The following TSC2 variants were observed in gnomAD, a reference collection of about 807,000 sequenced individuals.
The protein encoded by TSC2 is tuberin.
TSC2 carries 29 observed loss-of-function variants against 202.2 expected under a neutral mutation model. That is an observed-to-expected ratio of 0.14 (90% CI 0.11 to 0.20). The LOEUF is 0.20. Ranked by LOEUF, TSC2 falls within the 10% of genes least tolerant of loss-of-function variation. The pLI is 1.00. For synonymous variants in TSC2, 1,349 were observed against 1,044.0 expected, an observed-to-expected ratio of 1.29 and a Z score of -5.63; for missense variants, 2,429 against 2,420.0, an observed-to-expected ratio of 1.00 and a Z score of -0.08.
In TSC2 at chr16:2,066,157, CG is replaced by C. The variant is rs780965854; in HGVS notation, c.1716+525del. ...CCATCCCCCGTTGCTCCCGTACCCC[CG>C]GGTACCATCAAGCTGCTTCCTGTCT... On this transcript the variant is annotated intron_variant, in intron 16 of 41. Coordinates refer to ENST00000219476, the MANE Select transcript of TSC2 (RefSeq NM_000548.5). 139 of 155,574 alleles carry C rather than the reference CG, an allele frequency of 8.9e-4. No homozygotes were observed. In the Middle Eastern group the frequency reaches 0.026, roughly 30 times the overall value. The allele number at this position is 155,574 out of a possible 1,614,324, so 9.6% of individuals were successfully genotyped here. A position where few individuals can be genotyped will look rare whatever the true frequency, so the allele number is the denominator to read the frequency against.
chr16:2,083,357 C>A, intron 32 of TSC2: 1 of 480,020 alleles, frequency 2.1e-6, no homozygotes, highest in South Asian at 1.8e-5. Context: ...GTTTCAGGCT[C>A]CCGCTCTTTT....
intron 38 of TSC2, among the ~76,000 whole-genome samples, chr16:2,087,652 C>T (rs1461259529): frequency 6.6e-6 from 1 of 152,174 alleles, no homozygotes; most frequent in Non-Finnish European, 1.5e-5. Context: ...TTGCCTGTGG[C>T]TGCAGCATAT....
At chr16:2,071,152 C>G (rs1223286287) in intron 17 of TSC2, among the ~76,000 whole-genome samples, 1 of 152,144 alleles carries the variant, frequency 6.6e-6, no homozygotes, top group Non-Finnish European at 1.5e-5. Flanking sequence ...TTCAGCCTGT[C>G]GATGGAAGAA....
At chr16:2,055,832 A>G in intron 6 of TSC2, 1 of 448,436 alleles carries the variant, frequency 2.2e-6, no homozygotes, top group East Asian at 4.5e-5. Flanking sequence ...CAGAGGTTGC[A>G]GTGAGCGGAG....
chr16:2,074,421 G>C lies in TSC2; in HGVS notation c.2545+32G>C, dbSNP rs374013249. ...CCCCGCCCTGCCTGCGCATGCACCC[G>C]AGAGGTTCGGGCTGTGTAACCTGTG... On this transcript the variant is annotated intron_variant, in intron 22 of 41. Transcript: ENST00000219476. 1.9e-6 allele frequency: 3 copies of C among 1,604,328 alleles called. No individual in the cohort carries two copies. In the African/African-American group the frequency reaches 4.0e-5, roughly 21 times the overall value.
rs199943270 is a variant in TSC2 at position 2,084,722 on chromosome 16, C to A, written c.4493+7C>A. On this transcript the variant is annotated splice_region_variant and intron_variant, in intron 34 of 41. Transcript: ENST00000219476. The stretch of plus-strand genomic sequence containing the variant: ...TGCCAGGCATCAACCCCAGGTGGGC[C>A]TCTTGCTTCCGGGCGGGGCTCCTGA... The A allele has an allele frequency of 2.8e-4, 452 of 1,598,474 alleles. No homozygotes were observed. Among genetic ancestry groups the A allele is most frequent in the Non-Finnish European group, 3.5e-4 (415 of 1,179,864 alleles).
At chr16:2,071,248 T>C (rs1234016355) in intron 17 of TSC2, 7 of 561,776 alleles carry the variant, frequency 1.2e-5, no homozygotes, top group Admixed American at 5.9e-5. Flanking sequence ...ATCCCTTCCA[T>C]CCCAGGCGGG....
At chr16:2,069,487 T>TG (rs946983025) in intron 16 of TSC2, among the ~76,000 whole-genome samples, 54 of 151,256 alleles carry the variant, frequency 3.6e-4, no homozygotes, top group African/African-American at 1.2e-3. Flanking sequence ...CTGGCTAATT[T>TG]TTTTTTTTTT....
intron 32 of TSC2, chr16:2,082,870 G>T: frequency 2.4e-6 from 1 of 414,572 alleles, no homozygotes; most frequent in Admixed American, 3.6e-5. Context: ...AGCGGGCCTT[G>T]CCCTGGCCTT....
At position 2,084,358 on chromosome 16, in the gene TSC2, C is replaced by T. The variant is rs137854065; in HGVS notation, c.4136C>T (p.Ser1379Leu). 133 of 1,612,548 alleles carry T rather than the reference C, an allele frequency of 8.2e-5. No homozygotes were observed. The highest frequency in any genetic ancestry group is 1.0e-4 in the Non-Finnish European group (121 of 1,179,986). Reference protein sequence around the residue: ...RPSVDLSFQPSQPLSKSSSSP... With the variant: ...RPSVDLSFQPLQPLSKSSSSP... Reference sequence around the variant, plus strand: ...TCTGTGGACCTCTCCTTCCAGCCCTCGCAGCCCCTGAGCAAGTCCAGCTCC... The same window carrying T: ...TCTGTGGACCTCTCCTTCCAGCCCTTGCAGCCCCTGAGCAAGTCCAGCTCC... Residue 1379 changes from serine (S) to leucine (L), a missense_variant, in exon 34 of 42, where the codon TCG (serine) becomes TTG (leucine). Coordinates refer to ENST00000219476, the MANE Select transcript of TSC2 (RefSeq NM_000548.5).
intron 24 of TSC2, 98 bp from the exon 25 acceptor site, chr16:2,076,393 T>C: frequency 1.3e-6 from 2 of 1,587,480 alleles, no homozygotes; most frequent in Non-Finnish European, 1.7e-6. Flanking sequence ...GCCCCTAGCC[T>C]GCAGCTTGTC....
chr16:2,073,543 C>T (rs944308052), intron 21 of TSC2, among the ~76,000 whole-genome samples: 1 of 152,276 alleles, frequency 6.6e-6, no homozygotes, highest in African/African-American at 2.4e-5. Context: ...CTTGGCCCAT[C>T]TGTGCCCCGG....
intron 20 of TSC2, 123 bp from the exon 21 acceptor site, chr16:2,072,726 G>A: frequency 6.6e-7 from 1 of 1,519,392 alleles, no homozygotes; most frequent in Non-Finnish European, 9.0e-7. Context: ...AGGGAGGCAA[G>A]AAGGCTCCCC....
At chr16:2,065,982 G>A (rs536186678) in intron 16 of TSC2, among the ~76,000 whole-genome samples, 13 of 152,308 alleles carry the variant, frequency 8.5e-5, no homozygotes, top group African/African-American at 2.9e-4. Flanking sequence ...TTTAATATTT[G>A]CAGCTGTTTT....
At chr16:2,078,060 T>C (rs994162767) in intron 26 of TSC2, among the ~76,000 whole-genome samples, 1 of 152,244 alleles carries the variant, frequency 6.6e-6, no homozygotes, top group Non-Finnish European at 1.5e-5. Flanking sequence ...TCGTATTCTC[T>C]AGAATGGACG....
chr16:2,072,010 C>T (rs1281136802), intron 19 of TSC2, 76 bp downstream of exon 19: 11 of 1,501,476 alleles, frequency 7.3e-6, no homozygotes, highest in Non-Finnish European at 9.8e-6. Context: ...GCCTGCTGGG[C>T]CTCCCTCCCT....
chr16:2,088,188 C>T (rs751297578), intron 40 of TSC2, 39 bp from the exon 41 acceptor site: 1 of 1,612,852 alleles, frequency 6.2e-7, no homozygotes. Flanking sequence ...GGCCCAGGTG[C>T]CACCTGATAG....
At position 2,080,380 on chromosome 16, in the gene TSC2, A is replaced by G. The variant is rs760153227; in HGVS notation, c.3610+3A>G. 1 of 1,611,058 alleles carries G rather than the reference A, an allele frequency of 6.2e-7. No homozygotes were observed. The highest frequency in any genetic ancestry group is 1.3e-5 in the African/African-American group (1 of 74,844). On this transcript the variant is annotated splice_donor_region_variant and intron_variant, in intron 30 of 41. Transcript: ENST00000219476. ...GATCCTGGTCCGGAGGCCCACAGGT[A>G]CTGGGCGGGGCTGGCCTGAGCGCCA...
chr16:2,079,777 T>G lies in TSC2; in HGVS notation c.3397+108T>G. The G allele has an allele frequency of 8.6e-7, 1 of 1,156,726 alleles. No individual in the cohort carries two copies. Among genetic ancestry groups the G allele is most frequent in the Non-Finnish European group, 1.2e-6 (1 of 827,064 alleles). The allele number at this position is 1,156,726 out of a possible 1,614,324, so 71.7% of individuals were successfully genotyped here. On this transcript the variant is annotated intron_variant, in intron 29 of 41. Transcript: ENST00000219476. This position sits in a 1 kb window ranked among gnomAD's most constrained non-coding sequence, Gnocchi z 4.6. ...AGCCCAGGGGCCGGGGTGGCTGGCT[T>G]CAGGCCCGGCCCACGTCCTGACTCT...
Sources: allele counts gnomAD v4.1 joint callset (sites outside exome capture counted in the v4.1 genomes callset), GRCh38; gene constraint gnomAD v4.1.1; non-coding constraint Gnocchi (gnomAD v3.1); transcripts MANE v1.5; gene names NCBI Gene and HGNC (gene_info 2026-07-23, HGNC 2026-07-21).